Variants in GNPTAB observed in about 807,000 individuals in gnomAD.
The protein encoded by GNPTAB is N-acetylglucosamine-1-phosphotransferase subunits alpha/beta.
GNPTAB carries 92 observed loss-of-function variants against 136.6 expected under a neutral mutation model. That is an observed-to-expected ratio of 0.67 (90% CI 0.57 to 0.80). GNPTAB has a LOEUF of 0.80. GNPTAB is among the 30% of genes least tolerant of loss of function. GNPTAB has a pLI of 0.00. For missense variants in GNPTAB, 1,343 were observed against 1,501.8 expected (o/e 0.89, Z 1.75); for synonymous variants, 512 against 535.1 (o/e 0.96, Z 0.60).
chr12:101,775,073 A>G (rs1054513101), intron 7 of GNPTAB, among the ~76,000 whole-genome samples: 3 of 152,222 alleles, frequency 2.0e-5, no homozygotes, highest in Admixed American at 6.5e-5. Flanking sequence ...CAGTCCCCCA[A>G]GGATAGCGGC....
chr12:101,799,254 G>C (rs1869474342), intron 1 of GNPTAB, among the ~76,000 whole-genome samples: 1 of 152,132 alleles, frequency 6.6e-6, no homozygotes, highest in Admixed American at 6.6e-5. Flanking sequence ...AGGACAATAA[G>C]GGTCTAAAGC....
chr12:101,794,249 C>T (rs558537222), intron 2 of GNPTAB, among the ~76,000 whole-genome samples: 47 of 152,278 alleles, frequency 3.1e-4, no homozygotes, highest in Non-Finnish European at 5.3e-4. Context: ...AATTGAGCCT[C>T]GGATTGACTT....
intron 1 of GNPTAB, among the ~76,000 whole-genome samples, chr12:101,819,622 T>C (rs1870698975): frequency 6.6e-6 from 1 of 152,230 alleles, no homozygotes; most frequent in African/African-American, 2.4e-5. Flanking sequence ...AGAATGAGTT[T>C]CACTCCCTGA....
chr12:101,760,738 C>T (rs765808169), intron 15 of GNPTAB, among the ~76,000 whole-genome samples: 5 of 151,166 alleles, frequency 3.3e-5, no homozygotes, highest in Non-Finnish European at 7.4e-5. Context: ...AATTAAAATA[C>T]GTAGGGGAAA....
intron 1 of GNPTAB, among the ~76,000 whole-genome samples, chr12:101,825,298 C>T (rs1871032874): frequency 6.6e-6 from 1 of 152,196 alleles, no homozygotes; most frequent in African/African-American, 2.4e-5. Context: ...AGTCTAACAA[C>T]AGGTCTCAGA....
chr12:101,823,974 A>T (rs188125239), intron 1 of GNPTAB, among the ~76,000 whole-genome samples: 36 of 152,260 alleles, frequency 2.4e-4, no homozygotes, highest in African/African-American at 8.7e-4. Flanking sequence ...ATGGGTTTTG[A>T]CTGAAGCCAG....
chr12:101,817,640 C>A (rs1870572893), intron 1 of GNPTAB, among the ~76,000 whole-genome samples: 1 of 151,892 alleles, frequency 6.6e-6, no homozygotes, highest in Admixed American at 6.6e-5. Flanking sequence ...TATTATATAG[C>A]CATAATAATT....
chr12:101,811,427 G>A (rs532281576), intron 1 of GNPTAB, among the ~76,000 whole-genome samples: 1 of 140,976 alleles, frequency 7.1e-6, no homozygotes, highest in South Asian at 2.3e-4. Context: ...GGATTAGTCT[G>A]TTCTCGCATT....
At chr12:101,806,235 C>T (rs1869924507) in intron 1 of GNPTAB, among the ~76,000 whole-genome samples, 1 of 152,156 alleles carries the variant, frequency 6.6e-6, no homozygotes, top group African/African-American at 2.4e-5. Flanking sequence ...AATGGTGGAA[C>T]AGGCTGCTAC....
At chr12:101,824,328 G>C (rs532740299) in intron 1 of GNPTAB, among the ~76,000 whole-genome samples, 36 of 145,110 alleles carry the variant, frequency 2.5e-4, no homozygotes, top group African/African-American at 7.2e-4. Context: ...GGAAGGCAGA[G>C]GTGAGAAACA....
At chr12:101,759,488 G>C (rs1194686145) in intron 16 of GNPTAB, among the ~76,000 whole-genome samples, 2 of 148,462 alleles carry the variant, frequency 1.3e-5, no homozygotes, top group Admixed American at 1.3e-4. Context: ...ATTAATGGCT[G>C]TATTATATTC....
intron 7 of GNPTAB, 85 bp from the exon 8 acceptor site, chr12:101,771,242 T>G: frequency 8.6e-7 from 1 of 1,157,930 alleles, no homozygotes; most frequent in Non-Finnish European, 1.2e-6. Context: ...CTCTTTAATC[T>G]TTCCTTTTTT....
intron 16 of GNPTAB, among the ~76,000 whole-genome samples, chr12:101,758,324 C>T (rs1952934604): frequency 6.6e-6 from 1 of 152,200 alleles, no homozygotes; most frequent in African/African-American, 2.4e-5. Flanking sequence ...AAGGCATGAG[C>T]CATCGCACCC....
intron 8 of GNPTAB, 133 bp downstream of exon 8, chr12:101,770,863 A>G: frequency 1.1e-6 from 1 of 913,664 alleles, no homozygotes; most frequent in Middle Eastern, 2.9e-4. Flanking sequence ...AATGGCAGTG[A>G]CTGAAAAATT....
At chr12:101,818,923 G>A (rs570074314) in intron 1 of GNPTAB, among the ~76,000 whole-genome samples, 2 of 152,220 alleles carry the variant, frequency 1.3e-5, no homozygotes, top group Middle Eastern at 3.4e-3. Context: ...CTGCTGCCAT[G>A]TAAGATGTGC....
intron 18 of GNPTAB, chr12:101,756,473 C>T (rs1159530800): frequency 5.1e-6 from 2 of 395,014 alleles, no homozygotes; most frequent in East Asian, 9.9e-5. Flanking sequence ...AGTCAGGAGG[C>T]TGAGGTGGGA....
At chr12:101,763,854 T>C (rs1157682421) in intron 13 of GNPTAB, among the ~76,000 whole-genome samples, 3 of 151,974 alleles carry the variant, frequency 2.0e-5, no homozygotes, top group East Asian at 1.9e-4. Flanking sequence ...AACTTCAGGG[T>C]TTTTCATCAG....
At chr12:101,801,508 C>G (rs1869621123) in intron 1 of GNPTAB, among the ~76,000 whole-genome samples, 2 of 119,508 alleles carry the variant, frequency 1.7e-5, no homozygotes, top group South Asian at 5.4e-4. Context: ...CCACTGCACT[C>G]TAGCCTGGGT....
At chr12:101,800,914 C>T (rs118124766) in intron 1 of GNPTAB, among the ~76,000 whole-genome samples, 1,588 of 152,140 alleles carry the variant, frequency 0.01, 19 homozygotes, top group Non-Finnish European at 0.014. Flanking sequence ...CTACAAGACA[C>T]GATCTCAAAA....
Sources: gnomAD v4.1 joint callset for allele counts (sites outside exome capture counted in the v4.1 genomes callset) on GRCh38, gnomAD v4.1.1 for gene constraint, MANE v1.5 for transcripts, NCBI Gene and HGNC (gene_info 2026-07-23, HGNC 2026-07-21) for gene names.